CERKL: variants seen among roughly 807,000 people sequenced by gnomAD.
CERKL encodes ceramide kinase-like protein.
In CERKL, 61 loss-of-function variants were observed where a neutral mutation model predicts 63.4. The ratio of observed to expected loss-of-function variants is 0.96; its 90% CI spans 0.78 to 1.19. The LOEUF is 1.19. CERKL is among the 50% of genes most tolerant of loss of function. The pLI is 0.00. For synonymous variants in CERKL, 250 were observed against 230.5 expected (o/e 1.08, Z -0.77); for missense variants, 675 against 655.5 (o/e 1.03, Z -0.33).
intron 1 of CERKL, among the ~76,000 whole-genome samples, chr2:181,642,615 T>C (rs1416107637): frequency 1.3e-5 from 2 of 152,170 alleles, no homozygotes; most frequent in African/African-American, 2.4e-5. Context: ...TCAGCTGAGC[T>C]CTGAGTTGTG....
chr2:181,572,778 TGC>T (rs1688963171), intron 3 of CERKL, among the ~76,000 whole-genome samples: 4 of 138,330 alleles, frequency 2.9e-5, no homozygotes, highest in African/African-American at 1.1e-4. Flanking sequence ...CTACAAAACT[TGC>T]TTTTTTTTTT....
chr2:181,617,256 G>A (rs1300294672), intron 1 of CERKL: 1 of 152,216 alleles, frequency 6.6e-6, no homozygotes, highest in African/African-American at 2.4e-5. Flanking sequence ...TATACATACA[G>A]CATTTCTGCT....
chr2:181,630,176 T>G (rs1484937709), intron 1 of CERKL, among the ~76,000 whole-genome samples: 2 of 151,988 alleles, frequency 1.3e-5, no homozygotes, highest in Non-Finnish European at 2.9e-5. Flanking sequence ...TAGGTGGGAC[T>G]AGAGGTGAAC....
chr2:181,572,297 A>G (rs1238290924), intron 3 of CERKL, among the ~76,000 whole-genome samples: 1 of 152,100 alleles, frequency 6.6e-6, no homozygotes, highest in Non-Finnish European at 1.5e-5. Flanking sequence ...GGTTTTAAGC[A>G]TTTTTTTGAA....
chr2:181,625,620 T>C (rs1348119), intron 1 of CERKL, among the ~76,000 whole-genome samples: 3,392 of 152,288 alleles, frequency 0.022, 113 homozygotes, highest in African/African-American at 0.078. Context: ...GAAAATGGCA[T>C]CGTGTTCTCA....
At chr2:181,578,278 G>C (rs1454603562) in intron 2 of CERKL, among the ~76,000 whole-genome samples, 1 of 151,956 alleles carries the variant, frequency 6.6e-6, no homozygotes, top group East Asian at 1.9e-4. Context: ...GTGTATGTGT[G>C]TAGACAGAGA....
chr2:181,585,686 A>G (rs1339425963), intron 2 of CERKL, among the ~76,000 whole-genome samples: 1 of 152,150 alleles, frequency 6.6e-6, no homozygotes. Context: ...AAGTCAATAG[A>G]AAAATCATAT....
In CERKL at chr2:181,539,140, C is replaced by A. The variant is rs1294330944; in HGVS notation, c.1490G>T (p.Trp497Leu). Residue 497 changes from tryptophan to leucine, a missense_variant, in exon 12 of 13, where the codon TGG becomes TTG. Transcript: ENST00000410087. ...TTCCATTAAGTCACCATCTACATTC[C>A]AAGGGAAACAATTTTCTGAAGCAGT... ...DETASENCFP[W>L]NVDGDLMEVA... The A allele has an allele frequency of 1.2e-6, 2 of 1,609,224 alleles. No individual in the cohort carries two copies. The highest frequency in any genetic ancestry group is 2.2e-5 in the South Asian group (2 of 90,960).
intron 1 of CERKL, among the ~76,000 whole-genome samples, chr2:181,650,945 G>A (rs1239625361): frequency 1.3e-5 from 2 of 152,040 alleles, no homozygotes; most frequent in South Asian, 2.1e-4. Context: ...TAGAAAAAAC[G>A]AAGTCCCCGA....
intron 2 of CERKL, among the ~76,000 whole-genome samples, chr2:181,582,784 T>C (rs1684578783): frequency 6.6e-6 from 1 of 152,114 alleles, no homozygotes; most frequent in Non-Finnish European, 1.5e-5. Context: ...CTTCAGGTGA[T>C]CCGCCCACCT....
intron 2 of CERKL, 105 bp from the exon 3 acceptor site, chr2:181,573,989 A>G (rs10427195): frequency 0.35 from 353,084 of 1,006,458 alleles, 64,261 homozygotes; most frequent in African/African-American, 0.54. Context: ...ATGCATTTAA[A>G]TAGTATTTGC....
intron 1 of CERKL, chr2:181,617,328 C>G (rs1686241472): frequency 6.6e-6 from 1 of 152,188 alleles, no homozygotes; most frequent in Admixed American, 6.5e-5. Context: ...CGCAGCTGAA[C>G]TAGCTGTTTT....
In CERKL at chr2:181,537,518, G is replaced by A; in HGVS notation, c.*666C>T. On this transcript the variant is annotated 3_prime_UTR_variant, in exon 13 of 13. Transcript: ENST00000410087. ...TTTGGCAGGTAGGCTATATAACTAT[G>A]TGATTTTGAAATTTAACTGCTCTGG... is the stretch of plus-strand genomic sequence containing the variant. 1 of 449,674 alleles carries A rather than the reference G, an allele frequency of 2.2e-6. No individual in the cohort carries two copies. The allele number at this position is 449,674 out of a possible 1,614,324, so 27.9% of individuals were successfully genotyped here.
chr2:181,576,106 C>T (rs1466866555), intron 2 of CERKL, among the ~76,000 whole-genome samples: 4 of 152,182 alleles, frequency 2.6e-5, no homozygotes, highest in Non-Finnish European at 5.9e-5. Context: ...AAACACCCAA[C>T]TTCATGAGTA....
chr2:181,650,402 A>G (rs1323253634), intron 1 of CERKL, among the ~76,000 whole-genome samples: 1 of 152,206 alleles, frequency 6.6e-6, no homozygotes, highest in African/African-American at 2.4e-5. Flanking sequence ...GCCCATATCA[A>G]AAAAGACAAC....
intron 2 of CERKL, among the ~76,000 whole-genome samples, chr2:181,602,908 A>G (rs1415614502): frequency 6.6e-6 from 1 of 152,228 alleles, no homozygotes; most frequent in Non-Finnish European, 1.5e-5. Flanking sequence ...AAAAAAATAA[A>G]TCCTAAGATC....
rs1230628225 is a variant in CERKL at position 181,549,662 on chromosome 2, C to G, written c.867G>C (p.Val289=). The change falls in exon 6 of 13, where the codon GTG becomes GTC. Residue 289 remains valine, a synonymous_variant. Coordinates refer to ENST00000410087, the MANE Select transcript of CERKL (RefSeq NM_201548.5). ...LAHSLHGVPH[V]ITATLHIIMG... ...TTATAATGTGCAATGTTGCAGTTAT[C>G]ACATGAGGAACTCCATGAAGAGAAT... The G allele has an allele frequency of 1.2e-6, 2 of 1,612,274 alleles. No individual in the cohort carries two copies. Among genetic ancestry groups the G allele is most frequent in the Non-Finnish European group, 1.7e-6 (2 of 1,178,716 alleles).
chr2:181,649,387 G>T (rs542267556), intron 1 of CERKL, among the ~76,000 whole-genome samples: 1 of 152,244 alleles, frequency 6.6e-6, no homozygotes, highest in East Asian at 1.9e-4. Context: ...TAATACCTAA[G>T]TACCCAGATA....
chr2:181,593,518 C>T (rs1423505362), intron 2 of CERKL, among the ~76,000 whole-genome samples: 2 of 150,402 alleles, frequency 1.3e-5, no homozygotes, highest in Non-Finnish European at 3.0e-5. Flanking sequence ...TAAAGAATTC[C>T]ATCATTTCCT....
Sources: gnomAD v4.1 joint callset for allele counts (sites outside exome capture counted in the v4.1 genomes callset) on GRCh38, gnomAD v4.1.1 for gene constraint, MANE v1.5 for transcripts, NCBI Gene and HGNC (gene_info 2026-07-23, HGNC 2026-07-21) for gene names.